Variants in MLLT10 observed in about 807,000 individuals in gnomAD.
MLLT10 encodes protein AF-10.
MLLT10 carries 30 observed loss-of-function variants against 129.1 expected under a neutral mutation model. The ratio of observed to expected loss-of-function variants is 0.23; its 90% CI spans 0.17 to 0.32. MLLT10 has a LOEUF of 0.32. MLLT10 is among the 10% of genes least tolerant of loss of function. The pLI, the probability that MLLT10 is intolerant of heterozygous loss-of-function variation, is 1.00. For missense variants in MLLT10, 1,119 were observed against 1,268.3 expected (o/e 0.88, Z 1.79); for synonymous variants, 490 against 446.4 (o/e 1.10, Z -1.23).
At chr10:21,689,612 T>TACAC (rs1266793137) in intron 13 of MLLT10, among the ~76,000 whole-genome samples, 50 of 141,494 alleles carry the variant, frequency 3.5e-4, no homozygotes, top group African/African-American at 1.3e-3. Context: ...TATATATATA[T>TACAC]ATATATACAC....
intron 13 of MLLT10, among the ~76,000 whole-genome samples, chr10:21,684,323 C>A (rs916770726): frequency 6.6e-6 from 1 of 152,168 alleles, no homozygotes; most frequent in Non-Finnish European, 1.5e-5. Context: ...TCACCTATCA[C>A]CTGTGCTTCT....
At chr10:21,651,849 C>A (rs2049063385) in intron 9 of MLLT10, 81 bp downstream of exon 9, 1 of 813,518 alleles carries the variant, frequency 1.2e-6, no homozygotes. Flanking sequence ...TGTTTTCATT[C>A]CCTAACTTTT....
intron 5 of MLLT10, among the ~76,000 whole-genome samples, chr10:21,599,503 T>G (rs1364258758): frequency 6.6e-6 from 1 of 152,192 alleles, no homozygotes; most frequent in Non-Finnish European, 1.5e-5. Flanking sequence ...GGGTTCATTT[T>G]AATTTTTTCC....
chr10:21,631,792 T>TC (rs1012804898), intron 8 of MLLT10, among the ~76,000 whole-genome samples: 60 of 150,974 alleles, frequency 4.0e-4, no homozygotes, highest in African/African-American at 8.3e-4. Context: ...ACCATCAGGT[T>TC]CCCCCCCCAA....
chr10:21,673,138 A>G (rs1324692363), intron 10 of MLLT10, among the ~76,000 whole-genome samples: 1 of 152,134 alleles, frequency 6.6e-6, no homozygotes, highest in Non-Finnish European at 1.5e-5. Context: ...ATTTAATACC[A>G]TCTATAAAAT....
At chr10:21,722,660 C>T (rs1372078858) in intron 14 of MLLT10, among the ~76,000 whole-genome samples, 1 of 152,064 alleles carries the variant, frequency 6.6e-6, no homozygotes, top group Admixed American at 6.6e-5. Flanking sequence ...TTCAGTAAGC[C>T]GTCTTCCTCT....
At chr10:21,600,031 T>C (rs1260603470) in intron 5 of MLLT10, among the ~76,000 whole-genome samples, 3 of 152,230 alleles carry the variant, frequency 2.0e-5, no homozygotes, top group Non-Finnish European at 4.4e-5. Flanking sequence ...GTTAGTCAAC[T>C]TTTTCAACAC....
At chr10:21,592,791 G>A (rs1014885788) in intron 4 of MLLT10, among the ~76,000 whole-genome samples, 3 of 152,072 alleles carry the variant, frequency 2.0e-5, no homozygotes, top group Admixed American at 1.3e-4. Context: ...TTGTCTCTTG[G>A]TGTATGTCTT....
chr10:21,647,700 G>A (rs935239932), intron 8 of MLLT10, among the ~76,000 whole-genome samples: 3 of 150,528 alleles, frequency 2.0e-5, no homozygotes, highest in African/African-American at 7.3e-5. Flanking sequence ...TTTTTTTTGC[G>A]GGGGGCGGGG....
intron 3 of MLLT10, among the ~76,000 whole-genome samples, chr10:21,575,112 TC>T (rs2040597969): frequency 6.6e-6 from 1 of 152,206 alleles, no homozygotes; most frequent in South Asian, 2.1e-4. Flanking sequence ...TTTTACTATT[TC>T]TTTTTTCTAC....
chr10:21,617,315 A>G, intron 8 of MLLT10, 108 bp downstream of exon 8: 1 of 428,870 alleles, frequency 2.3e-6, no homozygotes, highest in East Asian at 3.8e-5. Flanking sequence ...AGACATTGAA[A>G]TATAGAAACA....
Position 21,682,324 on chromosome 10 carries a change from C to T in MLLT10, c.1699+67C>T, listed in dbSNP as rs1033823326. On this transcript the variant is annotated intron_variant, in intron 13 of 22. Transcript: ENST00000307729. ...AAAGGTTGCCTTTTGTAGAGAATCTCGATTGAAAGCTAGCATGTTCTATTG... is the reference window on the plus strand; with the variant it reads ...AAAGGTTGCCTTTTGTAGAGAATCTTGATTGAAAGCTAGCATGTTCTATTG... The T allele has an allele frequency of 9.3e-6, 13 of 1,394,300 alleles. No individual in the cohort carries two copies. In the South Asian group the frequency reaches 9.8e-5, roughly 11 times the overall value. 86.4% of individuals were successfully genotyped at this position (1,394,300 alleles called of 1,614,324 possible).
At chr10:21,698,312 C>T (rs919869187) in intron 13 of MLLT10, among the ~76,000 whole-genome samples, 2 of 152,162 alleles carry the variant, frequency 1.3e-5, no homozygotes, top group Non-Finnish European at 2.9e-5. Flanking sequence ...GAGTTGAGCA[C>T]ATGTGGTATT....
chr10:21,721,449 C>G (rs1248199000), intron 14 of MLLT10, among the ~76,000 whole-genome samples: 1 of 152,138 alleles, frequency 6.6e-6, no homozygotes, highest in Non-Finnish European at 1.5e-5. Flanking sequence ...GACACTTGAA[C>G]CTTTTCCCCC....
In MLLT10 at chr10:21,733,996, A is replaced by G. The variant is rs1329865481; in HGVS notation, c.2725A>G (p.Ile909Val). 1 of 1,614,194 alleles carries G rather than the reference A, an allele frequency of 6.2e-7. No individual in the cohort carries two copies. Among genetic ancestry groups the G allele is most frequent in the East Asian group, 2.2e-5 (1 of 44,888 alleles). Residue 909 changes from isoleucine (I) to valine (V), a missense_variant, in exon 20 of 23, where the codon ATT becomes GTT. Coordinates refer to ENST00000307729, the MANE Select transcript of MLLT10 (RefSeq NM_001195626.3). The part of the protein sequence containing the change: ...IGALPGNQLA[I>V]NGIVGALNGV... ...AGCTTTGCCAGGTAACCAACTGGCA[A>G]TTAATGGCATTGTAGGAGCTTTAAA... is the stretch of plus-strand genomic sequence containing the variant.
chr10:21,629,157 G>A (rs961209343), intron 8 of MLLT10, among the ~76,000 whole-genome samples: 1 of 151,674 alleles, frequency 6.6e-6, no homozygotes, highest in African/African-American at 2.4e-5. Context: ...CATGTGACAT[G>A]GCACCTAGCT....
intron 12 of MLLT10, 61 bp downstream of exon 12, chr10:21,681,437 T>C: frequency 8.6e-7 from 1 of 1,163,946 alleles, no homozygotes; most frequent in Non-Finnish European, 1.3e-6. Context: ...CTCTTTCTAG[T>C]ATGTTATGCC....
intron 13 of MLLT10, among the ~76,000 whole-genome samples, chr10:21,686,286 G>A (rs1322518908): frequency 1.3e-5 from 2 of 152,080 alleles, no homozygotes; most frequent in African/African-American, 4.8e-5. Context: ...ATATTTAAAT[G>A]ACTACTTTCC....
chr10:21,718,964 C>T (rs1315049933), intron 14 of MLLT10, among the ~76,000 whole-genome samples: 3 of 152,280 alleles, frequency 2.0e-5, no homozygotes, highest in East Asian at 3.9e-4. Flanking sequence ...CCTCATGATC[C>T]ACCCACCTTG....
Sources: gnomAD v4.1 joint callset for allele counts (sites outside exome capture counted in the v4.1 genomes callset) on GRCh38, gnomAD v4.1.1 for gene constraint, MANE v1.5 for transcripts, NCBI Gene and HGNC (gene_info 2026-07-23, HGNC 2026-07-21) for gene names.